The following FBXO45 variants were observed in gnomAD, a reference collection of about 807,000 sequenced individuals.
The protein encoded by FBXO45 is F-box/SPRY domain-containing protein 1.
Under a neutral mutation model 25.5 loss-of-function variants are expected in FBXO45, and 3 were observed. That is an observed-to-expected ratio of 0.12 (90% CI 0.05 to 0.30). The LOEUF is 0.30. Among genes scored for constraint, FBXO45 ranks in the 10% least tolerant of loss-of-function variants. The pLI is 1.00. For missense variants in FBXO45, 219 were observed against 365.0 expected (o/e 0.60, Z 3.26); for synonymous variants, 155 against 149.8 (o/e 1.03, Z -0.25).
chr3:196,570,712 C>CTT (rs71161937), intron 1 of FBXO45, among the ~76,000 whole-genome samples: 1,533 of 99,780 alleles, frequency 0.015, 43 homozygotes, highest in African/African-American at 0.043. Flanking sequence ...TTTCTTTTTT[C>CTT]TTTTTTTTTT....
intron 2 of FBXO45, among the ~76,000 whole-genome samples, chr3:196,581,172 A>G (rs1736003217): frequency 8.0e-6 from 1 of 125,170 alleles, no homozygotes; most frequent in African/African-American, 3.0e-5. Context: ...GGGCTAGTAA[A>G]TTTTGCTTAT....
intron 1 of FBXO45, 81 bp from the exon 2 acceptor site, chr3:196,577,372 T>C: frequency 1.9e-6 from 2 of 1,058,556 alleles, no homozygotes; most frequent in Non-Finnish European, 2.7e-6. Context: ...TTTAAAAACA[T>C]ACAGCGTGAA....
chr3:196,569,352 T>TC lies in FBXO45; in HGVS notation c.318+51dup. ...CTGCCCCCAGTCCCGCTCCCCGGCG[T>TC]CGTTCGCGGTGTTTCTCATCCGAGC... On this transcript the variant is annotated intron_variant, in intron 1 of 2. Coordinates refer to ENST00000311630, the MANE Select transcript of FBXO45 (RefSeq NM_001105573.2). This position sits in a 1 kb window ranked among gnomAD's most constrained non-coding sequence, Gnocchi z 4.1. 7.0e-7 allele frequency: 1 copy of TC among 1,433,864 alleles called. No homozygotes were observed. The highest frequency in any genetic ancestry group is 1.4e-5 in the South Asian group (1 of 70,688). 88.8% of individuals were successfully genotyped at this position (1,433,864 alleles called of 1,614,324 possible).
chr3:196,571,148 G>T (rs1735819596), intron 1 of FBXO45, among the ~76,000 whole-genome samples: 1 of 152,208 alleles, frequency 6.6e-6, no homozygotes, highest in Non-Finnish European at 1.5e-5. Flanking sequence ...TGATAAATGT[G>T]TCGGTTTCAT....
chr3:196,578,999 A>G (rs753700476), intron 2 of FBXO45, among the ~76,000 whole-genome samples: 3 of 152,162 alleles, frequency 2.0e-5, no homozygotes, highest in East Asian at 3.8e-4. Context: ...GTGCATGCAC[A>G]TGTTTGTGGA....
rs989284563 is a variant in FBXO45 at position 196,586,003 on chromosome 3, T to G, written c.*1685T>G. On this transcript the variant is annotated 3_prime_UTR_variant, in exon 3 of 3. Coordinates refer to ENST00000311630, the MANE Select transcript of FBXO45 (RefSeq NM_001105573.2). ...AGTATTTATTGTGTATTTGATACAT[T>G]GCTTGAAAAGATGAAATCTGTTAAA... 5.9e-5 allele frequency: 9 copies of G among 152,244 alleles called. No homozygotes were observed. Among genetic ancestry groups the G allele is most frequent in the Non-Finnish European group, 1.3e-4 (9 of 68,040 alleles). The allele number at this position is 152,244 out of a possible 1,614,324, so 9.4% of individuals were successfully genotyped here.
At chr3:196,572,573 G>A (rs75519325) in intron 1 of FBXO45, among the ~76,000 whole-genome samples, 4,740 of 152,264 alleles carry the variant, frequency 0.031, 96 homozygotes, top group South Asian at 0.046. Flanking sequence ...GAGAGCAAAG[G>A]TGATGCTGGT....
intron 2 of FBXO45, among the ~76,000 whole-genome samples, chr3:196,580,155 G>T (rs957853312): frequency 6.6e-6 from 1 of 150,440 alleles, no homozygotes; most frequent in Non-Finnish European, 1.5e-5. Flanking sequence ...TCTAAACCAC[G>T]CCCGGCTAAT....
intron 1 of FBXO45, among the ~76,000 whole-genome samples, chr3:196,576,905 C>A (rs1050742927): frequency 5.3e-5 from 8 of 152,112 alleles, no homozygotes; most frequent in African/African-American, 1.9e-4. Flanking sequence ...AAATATAATT[C>A]TTTTTGATGA....
At chr3:196,579,105 A>G (rs985777042) in intron 2 of FBXO45, among the ~76,000 whole-genome samples, 2 of 152,240 alleles carry the variant, frequency 1.3e-5, no homozygotes, top group Non-Finnish European at 2.9e-5. Flanking sequence ...GGCTTAAGGC[A>G]TACTCATTTG....
chr3:196,583,060 C>CTA (rs1736042022), intron 2 of FBXO45, among the ~76,000 whole-genome samples: 2 of 152,080 alleles, frequency 1.3e-5, no homozygotes, highest in Non-Finnish European at 2.9e-5. Flanking sequence ...TGCTCTACAA[C>CTA]TATATATATT....
Position 196,586,681 on chromosome 3 carries a change from A to G in FBXO45, c.*2363A>G, listed in dbSNP as rs1232671485. The stretch of plus-strand genomic sequence containing the variant: ...CTGAAGATTGAGTGTAAATCATTCA[A>G]ACCAGTGGTTCTCAGTGTTGGCTGT... On this transcript the variant is annotated 3_prime_UTR_variant, in exon 3 of 3. Transcript: ENST00000311630. 6.6e-6 allele frequency: 1 copy of G among 152,202 alleles called. No homozygotes were observed. Among genetic ancestry groups the G allele is most frequent in the Admixed American group, 6.5e-5 (1 of 15,280 alleles). The allele number at this position is 152,202 out of a possible 1,614,324, so 9.4% of individuals were successfully genotyped here.
intron 1 of FBXO45, among the ~76,000 whole-genome samples, chr3:196,574,013 C>T (rs1261424919): frequency 1.3e-5 from 2 of 148,940 alleles, no homozygotes; most frequent in Non-Finnish European, 3.0e-5. Flanking sequence ...TTTCAGCTCA[C>T]TGCAACCTCT....
chr3:196,569,853 C>T lies in FBXO45; in HGVS notation c.318+551C>T, dbSNP rs935427776. On this transcript the variant is annotated intron_variant, in intron 1 of 2. Transcript: ENST00000311630. This position sits in a 1 kb window ranked among gnomAD's most constrained non-coding sequence, Gnocchi z 4.1. ...AGTGAGTGTAGTTCTAGTCATCCTG[C>T]TCACTTACAAGATACAGGCTTTTAT... Among the ~76,000 whole-genome samples the T allele has an allele frequency of 2.6e-5, 4 of 152,292 alleles. No individual in the cohort carries two copies. Among genetic ancestry groups the T allele is most frequent in the African/African-American group, 9.6e-5 (4 of 41,562 alleles).
rs1396873400 is a variant in FBXO45 at position 196,586,765 on chromosome 3, G to A, written c.*2447G>A. Reference sequence around the variant, plus strand: ...ACACATCGATGCTTGGGTTCCGTATGCCAAGATTCTGATGTTGGTCTGGAA... The same window carrying A: ...ACACATCGATGCTTGGGTTCCGTATACCAAGATTCTGATGTTGGTCTGGAA... On this transcript the variant is annotated 3_prime_UTR_variant, in exon 3 of 3. Transcript: ENST00000311630. The A allele has an allele frequency of 6.6e-6, 1 of 152,132 alleles. No individual in the cohort carries two copies. The highest frequency in any genetic ancestry group is 1.5e-5 in the Non-Finnish European group (1 of 68,028). The allele number at this position is 152,132 out of a possible 1,614,324, so 9.4% of individuals were successfully genotyped here.
chr3:196,582,978 T>TTTTCCTC (rs1394569926), intron 2 of FBXO45, among the ~76,000 whole-genome samples: 7 of 152,072 alleles, frequency 4.6e-5, no homozygotes, highest in African/African-American at 1.7e-4. Context: ...ACCCAAAACT[T>TTTTCCTC]TTTCCTCACC....
rs998419860 is a variant in FBXO45, at chr3:196,569,319, C to T, written c.318+17C>T. 1.5e-5 allele frequency: 22 copies of T among 1,503,182 alleles called. No individual in the cohort carries two copies. The highest frequency in any genetic ancestry group is 1.8e-4 in the Middle Eastern group (1 of 5,684). 93.1% of individuals were successfully genotyped at this position (1,503,182 alleles called of 1,614,324 possible). On this transcript the variant is annotated intron_variant, in intron 1 of 2. Coordinates refer to ENST00000311630, the MANE Select transcript of FBXO45 (RefSeq NM_001105573.2). This position sits in a 1 kb window ranked among gnomAD's most constrained non-coding sequence, Gnocchi z 4.1. ...AAGGCCAAGGTGAGAGAGCCCCGGG[C>T]CACACCGCTGCCCCCAGTCCCGCTC... is the stretch of plus-strand genomic sequence containing the variant.
Position 196,568,937 on chromosome 3 carries a change from CG to C in FBXO45, c.-45del, listed in dbSNP as rs1222215045. The C allele has an allele frequency of 1.0e-6, 1 of 985,276 alleles. No individual in the cohort carries two copies. The highest frequency in any genetic ancestry group is 1.2e-6 in the Non-Finnish European group (1 of 828,418). 61.0% of individuals were successfully genotyped at this position (985,276 alleles called of 1,614,324 possible). A position where few individuals can be genotyped will look rare whatever the true frequency, so the allele number is the denominator to read the frequency against. On this transcript the variant is annotated 5_prime_UTR_variant, in exon 1 of 3. Coordinates refer to ENST00000311630, the MANE Select transcript of FBXO45 (RefSeq NM_001105573.2). ...GGCTTGGCCTTCCGAGCAGAGACGG[CG>C]GGAAGCGGCGGCGGCAGCGGCGGCC...
Position 196,568,980 on chromosome 3 carries a change from A to G in FBXO45, c.-5A>G, listed in dbSNP as rs1400012367. 2 of 989,478 alleles carry G rather than the reference A, an allele frequency of 2.0e-6. No individual in the cohort carries two copies. Among genetic ancestry groups the G allele is most frequent in the Non-Finnish European group, 2.4e-6 (2 of 833,604 alleles). The allele number at this position is 989,478 out of a possible 1,614,324, so 61.3% of individuals were successfully genotyped here. On this transcript the variant is annotated 5_prime_UTR_variant, in exon 1 of 3. Transcript: ENST00000311630. Reference sequence around the variant, plus strand: ...GCGGCGGCCCTAGGGCCGGCTGGTGAGGCGATGGCGGCGCCGGCCCCGGGG... The same window carrying G: ...GCGGCGGCCCTAGGGCCGGCTGGTGGGGCGATGGCGGCGCCGGCCCCGGGG...
Sources: allele counts gnomAD v4.1 joint callset (sites outside exome capture counted in the v4.1 genomes callset), GRCh38; gene constraint gnomAD v4.1.1; non-coding constraint Gnocchi (gnomAD v3.1); transcripts MANE v1.5; gene names NCBI Gene and HGNC (gene_info 2026-07-23, HGNC 2026-07-21).